Variants in MICALL1 observed in about 807,000 individuals in gnomAD.
MICALL1 encodes the protein MICAL-like protein 1.
A neutral mutation model predicts 83.7 loss-of-function variants in MICALL1; 61 were observed. The ratio of observed to expected loss-of-function variants is 0.73; its 90% CI spans 0.59 to 0.90. The LOEUF (loss-of-function observed/expected upper bound fraction) is 0.90, where lower values mean the gene tolerates loss of function less well. MICALL1 is among the 40% of genes least tolerant of loss of function. The probability of loss-of-function intolerance (pLI) is 0.00; values close to 1 mark genes in which losing one functional copy is unlikely to be tolerated. For missense variants in MICALL1, 1,066 were observed against 1,152.0 expected (o/e 0.93, Z 1.08); for synonymous variants, 481 against 473.6 (o/e 1.02, Z -0.20).
intron 15 of MICALL1, among the ~76,000 whole-genome samples, chr22:37,939,194 C>T (rs1442129284): frequency 3.3e-5 from 5 of 152,288 alleles, no homozygotes; most frequent in Non-Finnish European, 7.3e-5. Context: ...TTGAGCTGGC[C>T]ACTCTACCAC....
chr22:37,929,462 C>A (rs1274591599), intron 9 of MICALL1, among the ~76,000 whole-genome samples: 1 of 152,182 alleles, frequency 6.6e-6, no homozygotes, highest in African/African-American at 2.4e-5. Flanking sequence ...GGACCCAGGA[C>A]ACACAGCTTT....
intron 3 of MICALL1, 58 bp downstream of exon 3, chr22:37,912,550 T>C: frequency 6.8e-7 from 1 of 1,481,470 alleles, no homozygotes; most frequent in East Asian, 2.3e-5. Flanking sequence ...CCTGGGGATG[T>C]CTGATGCTTG....
rs188443789 is a variant in MICALL1, at chr22:37,906,634, C to G, written c.146+66C>G. ...GCTGGGGCCGCGACCGCCGCCCCCCCTCAGTAACACGAAGCCCGGGCGGTG... is the reference window on the plus strand; with the variant it reads ...GCTGGGGCCGCGACCGCCGCCCCCCGTCAGTAACACGAAGCCCGGGCGGTG... On this transcript the variant is annotated intron_variant, in intron 1 of 15. Transcript: ENST00000215957. This position sits in a 1 kb window ranked among gnomAD's most constrained non-coding sequence, Gnocchi z 4.4. 0.011 allele frequency: 12,549 copies of G among 1,131,266 alleles called. 92 individuals carry two copies. Among genetic ancestry groups the G allele is most frequent in the Non-Finnish European group, 0.012 (11,485 of 920,702 alleles). The allele number at this position is 1,131,266 out of a possible 1,614,324, so 70.1% of individuals were successfully genotyped here. A position where few individuals can be genotyped will look rare whatever the true frequency, so the allele number is the denominator to read the frequency against.
chr22:37,927,324 G>A lies in MICALL1; in HGVS notation c.1466-87G>A, dbSNP rs1029365501. ...GGCTTGGGTTTCTGGGGCTGCCTGCGGCTCTGTTGAGAGTGGAGCCGGGAG... is the reference window on the plus strand; with the variant it reads ...GGCTTGGGTTTCTGGGGCTGCCTGCAGCTCTGTTGAGAGTGGAGCCGGGAG... On this transcript the variant is annotated intron_variant, in intron 8 of 15. Transcript: ENST00000215957. 20 of 1,397,042 alleles carry A rather than the reference G, an allele frequency of 1.4e-5. No homozygotes were observed. The East Asian group carries it at 3.5e-4, about 25-fold the overall frequency. The allele number at this position is 1,397,042 out of a possible 1,614,324, so 86.5% of individuals were successfully genotyped here.
At chr22:37,915,817 T>C (rs889769050) in intron 3 of MICALL1, among the ~76,000 whole-genome samples, 5 of 151,976 alleles carry the variant, frequency 3.3e-5, no homozygotes, top group Admixed American at 3.3e-4. Context: ...GGCTTAATTT[T>C]TGTATTTTTA....
chr22:37,927,571 C>G lies in MICALL1; in HGVS notation c.1626C>G (p.Val542=). 6.2e-7 allele frequency: 1 copy of G among 1,613,658 alleles called. No homozygotes were observed. Among genetic ancestry groups the G allele is most frequent in the Non-Finnish European group, 8.5e-7 (1 of 1,179,554 alleles). ...CCAAGAGCTCCTCAGAGCCTGCTGT[C>G]CATGCCCCTGGTACCCCTGGAAACC... The part of the protein sequence containing the change: ...AVPKSSSEPA[V]HAPGTPGNPV... The change falls in exon 9 of 16, where the codon GTC becomes GTG. Residue 542 remains valine (V), a synonymous_variant. Coordinates refer to ENST00000215957, the MANE Select transcript of MICALL1 (RefSeq NM_033386.4).
chr22:37,915,193 G>A (rs924303610), intron 3 of MICALL1, among the ~76,000 whole-genome samples: 12 of 152,022 alleles, frequency 7.9e-5, no homozygotes, highest in East Asian at 1.9e-4. Flanking sequence ...TTGAGGCTGC[G>A]GTGAGCTATG....
intron 9 of MICALL1, among the ~76,000 whole-genome samples, chr22:37,931,310 G>A (rs1404272759): frequency 6.6e-6 from 1 of 152,340 alleles, no homozygotes; most frequent in South Asian, 2.1e-4. Context: ...GGAAGGCCAA[G>A]GCAGGAGGAT....
chr22:37,908,726 C>T (rs1182312350), intron 1 of MICALL1, among the ~76,000 whole-genome samples: 1 of 152,226 alleles, frequency 6.6e-6, no homozygotes. Context: ...CACGCTCTCC[C>T]ACACCTGTAG....
At position 37,924,724 on chromosome 22, in the gene MICALL1, C is replaced by T. The variant is rs1601821540; in HGVS notation, c.1082+7C>T. The T allele has an allele frequency of 5.6e-6, 9 of 1,611,434 alleles. No homozygotes were observed. The highest frequency in any genetic ancestry group is 2.2e-5 in the South Asian group (2 of 90,720). ...CACCGAAGCCGTCCGAGGGGTATGT[C>T]GATCCCTGAGGGGCTTTCCTGCTTT... On this transcript the variant is annotated splice_region_variant and intron_variant, in intron 7 of 15. Transcript: ENST00000215957. The surrounding 1 kb of genome is among the most constrained non-coding windows in gnomAD (Gnocchi z 5.2).
rs764121620 is a variant in MICALL1, at chr22:37,932,665, G to A, written c.2129G>A (p.Arg710His). 1.1e-5 allele frequency: 17 copies of A among 1,613,954 alleles called. No homozygotes were observed. The highest frequency in any genetic ancestry group is 1.3e-5 in the Non-Finnish European group (15 of 1,179,960). ...HRGVLLEEKL[R>H]GGLNEGREDD... ...GGGGTGCTGCTGGAGGAGAAGCTGC[G>A]TGGCGGCCTGAATGGTGCGGGAGCG... The change falls in exon 11 of 16, where the codon CGT (arginine) becomes CAT (histidine). Residue 710 changes from arginine (R) to histidine (H), a missense_variant. Arg to His is a conservative substitution (Grantham distance 29). Coordinates refer to ENST00000215957, the MANE Select transcript of MICALL1 (RefSeq NM_033386.4). The surrounding 1 kb of genome is among the most constrained non-coding windows in gnomAD (Gnocchi z 4.4).
Position 37,919,089 on chromosome 22 carries a change from C to T in MICALL1, c.480C>T (p.Pro160=). ...CAGAGCAGGGCACCGGCCAGACCCC[C>T]AGCAGCACGTGCGCAGCCTGCCAGC... ...SLSEQGTGQT[P]SSTCAACQQH... Residue 160 remains proline (P), a synonymous_variant, in exon 5 of 16, where the codon CCC becomes CCT. Transcript: ENST00000215957. 1 of 1,552,342 alleles carries T rather than the reference C, an allele frequency of 6.4e-7. No individual in the cohort carries two copies. The highest frequency in any genetic ancestry group is 8.7e-7 in the Non-Finnish European group (1 of 1,147,784).
At chr22:37,936,519 C>G (rs1024609334) in intron 13 of MICALL1, among the ~76,000 whole-genome samples, 1 of 152,224 alleles carries the variant, frequency 6.6e-6, no homozygotes, top group Non-Finnish European at 1.5e-5. Context: ...GCTGGCCCTG[C>G]TGGGGCCCCT....
At chr22:37,919,362 C>T (rs548192425) in intron 5 of MICALL1, among the ~76,000 whole-genome samples, 184 bp downstream of exon 5, 8 of 152,228 alleles carry the variant, frequency 5.3e-5, no homozygotes, top group Non-Finnish European at 1.0e-4. Context: ...CCACATGATT[C>T]GAGACAGAAA....
chr22:37,940,608 AGCCCTGCT>A lies in MICALL1; in HGVS notation c.2471-96_2471-89del, dbSNP rs1930382960. The A allele has an allele frequency of 5.5e-6, 8 of 1,442,274 alleles. No homozygotes were observed. The Admixed American group carries it at 1.3e-4, about 24-fold the overall frequency. 89.3% of individuals were successfully genotyped at this position (1,442,274 alleles called of 1,614,324 possible). ...CACAGGAAGTGGTGGGGCTGGGCTG[AGCCCTGCT>A]GCCCATGCCCAGGCCTGTGTCACTG... On this transcript the variant is annotated intron_variant, in intron 15 of 15. Transcript: ENST00000215957.
At position 37,940,835 on chromosome 22, in the gene MICALL1, A is replaced by C; in HGVS notation, c.*5A>C. ...TCCCCCAGAGACAAGAGCTAACAGC[A>C]CGAGAAGCCAGTTGGGGACTGCCCC... is the stretch of plus-strand genomic sequence containing the variant. On this transcript the variant is annotated 3_prime_UTR_variant, in exon 16 of 16. Transcript: ENST00000215957. 1.2e-6 allele frequency: 2 copies of C among 1,613,622 alleles called. No individual in the cohort carries two copies. The highest frequency in any genetic ancestry group is 1.7e-6 in the Non-Finnish European group (2 of 1,179,646).
chr22:37,912,519 G>T (rs1199707959), intron 3 of MICALL1, 27 bp downstream of exon 3: 8 of 1,571,054 alleles, frequency 5.1e-6, no homozygotes, highest in East Asian at 2.3e-5. Context: ...GCGTTTCACG[G>T]AGGCTGGCCC....
intron 13 of MICALL1, among the ~76,000 whole-genome samples, chr22:37,935,266 A>G (rs1376493721): frequency 7.2e-6 from 1 of 139,562 alleles, no homozygotes; most frequent in Non-Finnish European, 1.5e-5. Context: ...ATTTTATTTT[A>G]TTTTATTTTT....
intron 6 of MICALL1, among the ~76,000 whole-genome samples, chr22:37,922,801 T>G (rs1209652860): frequency 2.2e-4 from 30 of 137,572 alleles, no homozygotes; most frequent in East Asian, 1.8e-3. Flanking sequence ...TTTTTGTTTT[T>G]TTTTTTTTTT....
Sources: gnomAD v4.1 joint callset for allele counts (sites outside exome capture counted in the v4.1 genomes callset) on GRCh38, gnomAD v4.1.1 for gene constraint, Gnocchi (gnomAD v3.1) non-coding constraint, MANE v1.5 for transcripts, NCBI Gene and HGNC (gene_info 2026-07-23, HGNC 2026-07-21) for gene names.